The following ADAMTSL1 variants were observed in gnomAD, a reference collection of about 807,000 sequenced individuals.
The protein encoded by ADAMTSL1 is ADAMTS-like protein 1.
Under a neutral mutation model 201.8 loss-of-function variants are expected in ADAMTSL1, and 126 were observed. The ratio of observed to expected loss-of-function variants is 0.62; its 90% CI spans 0.54 to 0.72. ADAMTSL1 has a LOEUF of 0.72. Ranked by LOEUF, ADAMTSL1 falls within the 30% of genes least tolerant of loss-of-function variation. The probability of loss-of-function intolerance (pLI) is 0.00; values close to 1 mark genes in which losing one functional copy is unlikely to be tolerated. For missense variants in ADAMTSL1, 2,679 were observed against 2,277.8 expected (o/e 1.18, Z -3.59); for synonymous variants, 1,121 against 903.4 (o/e 1.24, Z -4.32).
intron 20 of ADAMTSL1, among the ~76,000 whole-genome samples, chr9:18,806,492 T>A (rs922050884): frequency 5.9e-5 from 9 of 152,224 alleles, no homozygotes; most frequent in African/African-American, 1.9e-4. Context: ...AAGTTTCTAT[T>A]AGCAGAGGCC....
chr9:18,703,695 C>CACAT (rs1158988247), intron 13 of ADAMTSL1, among the ~76,000 whole-genome samples: 13 of 42,628 alleles, frequency 3.0e-4, no homozygotes, highest in African/African-American at 9.8e-4. Context: ...CGTGCATGCG[C>CACAT]ACATACATAT....
At chr9:18,860,240 A>G (rs1051788366) in intron 23 of ADAMTSL1, among the ~76,000 whole-genome samples, 1 of 152,240 alleles carries the variant, frequency 6.6e-6, no homozygotes, top group Non-Finnish European at 1.5e-5. Context: ...GGGTAAAAAT[A>G]TATCTTGCCC....
At chr9:18,708,187 G>A (rs1290056997) in intron 14 of ADAMTSL1, among the ~76,000 whole-genome samples, 1 of 152,170 alleles carries the variant, frequency 6.6e-6, no homozygotes, top group Non-Finnish European at 1.5e-5. Context: ...GGCATCTTTT[G>A]TCATGATTGA....
At chr9:17,960,638 A>G (rs1167632109) in intron 1 of ADAMTSL1, among the ~76,000 whole-genome samples, 6 of 152,128 alleles carry the variant, frequency 3.9e-5, no homozygotes, top group Non-Finnish European at 7.4e-5. Flanking sequence ...AGCATGCAAC[A>G]TTGTCTTTTT....
At chr9:17,950,666 A>T (rs1354711378) in intron 1 of ADAMTSL1, among the ~76,000 whole-genome samples, 1 of 152,092 alleles carries the variant, frequency 6.6e-6, no homozygotes, top group Non-Finnish European at 1.5e-5. Flanking sequence ...TATTTCCATC[A>T]TATGAATATA....
intron 1 of ADAMTSL1, among the ~76,000 whole-genome samples, chr9:18,065,628 G>T (rs915654314): frequency 6.6e-6 from 1 of 152,136 alleles, no homozygotes; most frequent in Non-Finnish European, 1.5e-5. Context: ...ATGTTTTGTT[G>T]TCTGCCCAAG....
intron 1 of ADAMTSL1, among the ~76,000 whole-genome samples, chr9:18,062,151 T>C (rs1403973991): frequency 6.6e-6 from 1 of 152,244 alleles, no homozygotes; most frequent in Admixed American, 6.5e-5. Context: ...TGTTTTATTT[T>C]TATTTTCTGA....
chr9:18,776,501 T>C (rs868619970), intron 18 of ADAMTSL1, among the ~76,000 whole-genome samples: 2 of 152,192 alleles, frequency 1.3e-5, no homozygotes, highest in Non-Finnish European at 2.9e-5. Flanking sequence ...CAGGGAGACA[T>C]TGGGTTGCCC....
chr9:18,797,666 T>C (rs953110712), intron 20 of ADAMTSL1, among the ~76,000 whole-genome samples: 3 of 152,214 alleles, frequency 2.0e-5, no homozygotes, highest in Admixed American at 6.5e-5. Context: ...TTATACTCCT[T>C]ATTAGCTGTG....
At chr9:18,418,160 C>A (rs1818770558) in intron 2 of ADAMTSL1, among the ~76,000 whole-genome samples, 1 of 152,182 alleles carries the variant, frequency 6.6e-6, no homozygotes, top group Admixed American at 6.5e-5. Context: ...ATGATAAAAT[C>A]TCTCAGTCAG....
At chr9:17,995,040 G>C (rs1819315403) in intron 1 of ADAMTSL1, among the ~76,000 whole-genome samples, 1 of 152,140 alleles carries the variant, frequency 6.6e-6, no homozygotes, top group African/African-American at 2.4e-5. Flanking sequence ...CTCACAGTCA[G>C]AACGTGTGGC....
chr9:18,525,743 G>C (rs1368853099), intron 2 of ADAMTSL1, among the ~76,000 whole-genome samples: 2 of 152,172 alleles, frequency 1.3e-5, no homozygotes, highest in African/African-American at 4.8e-5. Flanking sequence ...TTTCCATGTA[G>C]GTGAGTGGTT....
At chr9:18,560,956 C>T (rs936503674) in intron 3 of ADAMTSL1, among the ~76,000 whole-genome samples, 3 of 148,820 alleles carry the variant, frequency 2.0e-5, no homozygotes, top group Admixed American at 2.0e-4. Context: ...AAAAAAACAG[C>T]TCCTGGATTC....
intron 23 of ADAMTSL1, among the ~76,000 whole-genome samples, chr9:18,864,868 T>G (rs1827409162): frequency 6.6e-6 from 1 of 152,246 alleles, no homozygotes; most frequent in African/African-American, 2.4e-5. Context: ...GAGCAAATAA[T>G]GAGGGGAACC....
chr9:17,960,695 A>G (rs1477336453), intron 1 of ADAMTSL1, among the ~76,000 whole-genome samples: 1 of 152,168 alleles, frequency 6.6e-6, no homozygotes, highest in Non-Finnish European at 1.5e-5. Flanking sequence ...TTCTTTTCTC[A>G]CTATTCCTGT....
chr9:18,417,405 C>G (rs1414801391), intron 2 of ADAMTSL1, among the ~76,000 whole-genome samples: 2 of 138,030 alleles, frequency 1.4e-5, no homozygotes, highest in Admixed American at 7.1e-5. Context: ...AAGATGAGGG[C>G]AGAAATTAAT....
intron 2 of ADAMTSL1, among the ~76,000 whole-genome samples, chr9:18,213,607 G>T (rs995775596): frequency 1.3e-5 from 2 of 152,162 alleles, no homozygotes; most frequent in African/African-American, 4.8e-5. Flanking sequence ...GACGTTCTGT[G>T]CTGCTGTTTC....
chr9:18,262,220 G>C (rs1026850060), intron 2 of ADAMTSL1, among the ~76,000 whole-genome samples: 8 of 152,114 alleles, frequency 5.3e-5, no homozygotes, highest in African/African-American at 1.9e-4. Context: ...GTAATGACTG[G>C]TGGAGTATAC....
chr9:18,855,047 T>C (rs573890692), intron 23 of ADAMTSL1, among the ~76,000 whole-genome samples: 2 of 152,316 alleles, frequency 1.3e-5, no homozygotes, highest in South Asian at 4.1e-4. Context: ...TGGGAACCTA[T>C]ATTCTTTTGC....
Sources: gnomAD v4.1 joint callset for allele counts (sites outside exome capture counted in the v4.1 genomes callset) on GRCh38, gnomAD v4.1.1 for gene constraint, MANE v1.5 for transcripts, NCBI Gene and HGNC (gene_info 2026-07-23, HGNC 2026-07-21) for gene names.